NXPH1: variants seen among roughly 807,000 people sequenced by gnomAD.
The protein encoded by NXPH1 is neurexophilin-1.
Under a neutral mutation model 23.7 loss-of-function variants are expected in NXPH1, and 5 were observed. The ratio of observed to expected loss-of-function variants is 0.21; its 90% CI spans 0.11 to 0.44. The LOEUF is 0.44. NXPH1 is among the 20% of genes least tolerant of loss of function. The pLI is 0.99. For missense variants in NXPH1, 324 were observed against 321.6 expected (o/e 1.01, Z -0.06); for synonymous variants, 144 against 122.2 (o/e 1.18, Z -1.18).
chr7:8,484,781 G>A (rs896025874), intron 2 of NXPH1, among the ~76,000 whole-genome samples: 13 of 152,034 alleles, frequency 8.6e-5, no homozygotes, highest in Admixed American at 2.6e-4. Context: ...TCTTTAATCA[G>A]GGAAAAATAT....
In NXPH1 at chr7:8,628,373, T is replaced by TTTTTTTG. The variant is rs1412352274; in HGVS notation, c.55-122629_55-122628insGTTTTTT. Among the ~76,000 whole-genome samples, 759 of 140,164 alleles carry TTTTTTTG rather than the reference T, an allele frequency of 5.4e-3. 6 individuals carry two copies. Among genetic ancestry groups the TTTTTTTG allele is most frequent in the African/African-American group, 0.019 (725 of 39,144 alleles). 92.0% of individuals were successfully genotyped at this position (140,164 alleles called of 152,430 possible). A position where few individuals can be genotyped will look rare whatever the true frequency, so the allele number is the denominator to read the frequency against. On this transcript the variant is annotated intron_variant, in intron 2 of 2. Transcript: ENST00000405863. ...TTAGAACATTTTATGCATAGGTGTT[T>TTTTTTTG]TTTTTTTTTTTTAGATAATGTATGG...
intron 2 of NXPH1, among the ~76,000 whole-genome samples, chr7:8,626,600 G>C (rs937825863): frequency 2.0e-5 from 3 of 151,846 alleles, no homozygotes; most frequent in Non-Finnish European, 2.9e-5. Flanking sequence ...CTAGTACTTT[G>C]TGCTAATATT....
intron 2 of NXPH1, among the ~76,000 whole-genome samples, chr7:8,630,363 T>C (rs971696966): frequency 3.9e-5 from 6 of 152,162 alleles, no homozygotes; most frequent in African/African-American, 1.2e-4. Context: ...TATTTAATGA[T>C]ACATTTTATG....
chr7:8,600,473 C>A (rs1195414973), intron 2 of NXPH1, among the ~76,000 whole-genome samples: 28 of 152,174 alleles, frequency 1.8e-4, no homozygotes, highest in Admixed American at 1.8e-3. Flanking sequence ...ACTTGACGTA[C>A]CTCTGTGCAC....
intron 2 of NXPH1, among the ~76,000 whole-genome samples, chr7:8,493,444 C>T (rs940050333): frequency 1.1e-4 from 17 of 151,918 alleles, no homozygotes; most frequent in Non-Finnish European, 2.4e-4. Context: ...ACTGCTGTGC[C>T]CAGAATCTCA....
intron 2 of NXPH1, among the ~76,000 whole-genome samples, chr7:8,589,433 C>A (rs1819045860): frequency 6.6e-6 from 1 of 151,992 alleles, no homozygotes; most frequent in Non-Finnish European, 1.5e-5. Flanking sequence ...CACCAGCAAA[C>A]AGGAGAAGAT....
At chr7:8,484,740 CCTTT>C (rs1007371872) in intron 2 of NXPH1, among the ~76,000 whole-genome samples, 1 of 152,112 alleles carries the variant, frequency 6.6e-6, no homozygotes, top group African/African-American at 2.4e-5. Flanking sequence ...TTAATTTCCT[CCTTT>C]CTTTCTATAA....
At chr7:8,545,980 C>T (rs185327337) in intron 2 of NXPH1, among the ~76,000 whole-genome samples, 7 of 151,486 alleles carry the variant, frequency 4.6e-5, no homozygotes, top group Non-Finnish European at 1.0e-4. Flanking sequence ...GAGAGACCAG[C>T]TGTTGTACTT....
rs1443663506 is a variant in NXPH1 at position 8,524,240 on chromosome 7, TC to T, written c.54+88474del. On this transcript the variant is annotated intron_variant, in intron 2 of 2. Coordinates refer to ENST00000405863, the MANE Select transcript of NXPH1 (RefSeq NM_152745.3). ...CTGGGTGACAGAGTGAGACTCTGTC[TC>T]AAAAAAAAAAAAAAAAAAAAAAAGG... Among the ~76,000 whole-genome samples, 83 of 26,646 alleles carry T rather than the reference TC, an allele frequency of 3.1e-3. 1 individual carries two copies. In the East Asian group the frequency reaches 0.094, roughly 30 times the overall value. 17.5% of individuals were successfully genotyped at this position (26,646 alleles called of 152,430 possible).
At chr7:8,640,164 T>G (rs1009144586) in intron 2 of NXPH1, among the ~76,000 whole-genome samples, 1 of 152,208 alleles carries the variant, frequency 6.6e-6, no homozygotes, top group Admixed American at 6.5e-5. Flanking sequence ...TATGTCAGTG[T>G]ACATCTTTTT....
chr7:8,729,671 G>C (rs200816250), intron 2 of NXPH1, among the ~76,000 whole-genome samples: 27,752 of 143,504 alleles, frequency 0.19, 2,617 homozygotes, highest in East Asian at 0.31. Context: ...TCTTAATCCT[G>C]AGTTCTAGTT....
At chr7:8,463,821 G>T (rs1816733204) in intron 2 of NXPH1, among the ~76,000 whole-genome samples, 1 of 152,090 alleles carries the variant, frequency 6.6e-6, no homozygotes, top group South Asian at 2.1e-4. Flanking sequence ...AGGGATTAAA[G>T]ATTATCTAAG....
chr7:8,597,303 T>A (rs556487584), intron 2 of NXPH1, among the ~76,000 whole-genome samples: 1 of 152,188 alleles, frequency 6.6e-6, no homozygotes, highest in African/African-American at 2.4e-5. Flanking sequence ...GATTGCTTAG[T>A]TGGACATGCA....
intron 2 of NXPH1, among the ~76,000 whole-genome samples, chr7:8,515,642 T>C (rs531358371): frequency 6.6e-6 from 1 of 152,210 alleles, no homozygotes; most frequent in African/African-American, 2.4e-5. Context: ...TCCACATTAC[T>C]TTTTACCATG....
intron 2 of NXPH1, among the ~76,000 whole-genome samples, chr7:8,521,284 T>C (rs191552452): frequency 7.2e-5 from 11 of 152,278 alleles, no homozygotes; most frequent in African/African-American, 1.7e-4. Flanking sequence ...TTGGGAAATA[T>C]GATGTACACT....
chr7:8,678,986 T>A (rs904418056), intron 2 of NXPH1, among the ~76,000 whole-genome samples: 3 of 136,472 alleles, frequency 2.2e-5, no homozygotes, highest in Non-Finnish European at 3.1e-5. Context: ...TCTCGCTCTG[T>A]CACCCAGGCT....
At chr7:8,573,791 A>G (rs373471534) in intron 2 of NXPH1, among the ~76,000 whole-genome samples, 3 of 152,276 alleles carry the variant, frequency 2.0e-5, no homozygotes, top group African/African-American at 7.2e-5. Flanking sequence ...GTCATCAGCT[A>G]TCAAAATTTG....
intron 2 of NXPH1, among the ~76,000 whole-genome samples, chr7:8,727,505 G>A (rs974543513): frequency 1.9e-4 from 29 of 150,468 alleles, no homozygotes; most frequent in Admixed American, 1.9e-3. Flanking sequence ...ATCTTGAATT[G>A]ATTTTTGTAT....
intron 2 of NXPH1, among the ~76,000 whole-genome samples, chr7:8,623,711 CAT>C (rs1819928373): frequency 1.1e-5 from 1 of 91,082 alleles, no homozygotes; most frequent in South Asian, 2.7e-4. Context: ...TGAGAAGTCT[CAT>C]ATGTGCCTTT....
Sources: allele counts gnomAD v4.1 joint callset (sites outside exome capture counted in the v4.1 genomes callset), GRCh38; gene constraint gnomAD v4.1.1; transcripts MANE v1.5; gene names NCBI Gene and HGNC (gene_info 2026-07-23, HGNC 2026-07-21).